The following NRXN3 variants were observed in gnomAD, a reference collection of about 807,000 sequenced individuals.
The protein encoded by NRXN3 is neurexin 3.
In NRXN3, 32 loss-of-function variants were observed where a neutral mutation model predicts 137.6. That is an observed-to-expected ratio of 0.23 (90% CI 0.18 to 0.31). The LOEUF (loss-of-function observed/expected upper bound fraction) is 0.31, where lower values mean the gene tolerates loss of function less well. Ranked by LOEUF, NRXN3 falls within the 10% of genes least tolerant of loss-of-function variation. The probability of loss-of-function intolerance (pLI) is 1.00; values close to 1 mark genes in which losing one functional copy is unlikely to be tolerated. For synonymous variants in NRXN3, 798 were observed against 784.5 expected, an observed-to-expected ratio of 1.02 and a Z score of -0.29; for missense variants, 1,574 against 2,062.5, an observed-to-expected ratio of 0.76 and a Z score of 4.59.
intron 15 of NRXN3, among the ~76,000 whole-genome samples, chr14:79,038,273 T>G (rs548153624): frequency 6.6e-6 from 1 of 152,022 alleles, no homozygotes; most frequent in South Asian, 2.1e-4. Flanking sequence ...GGCATAAAAA[T>G]GTGGAATGAA....
chr14:79,564,889 G>A (rs1323093575), intron 16 of NRXN3, among the ~76,000 whole-genome samples: 1 of 152,044 alleles, frequency 6.6e-6, no homozygotes, highest in Non-Finnish European at 1.5e-5. Context: ...AAAATAAAAT[G>A]ATGCCAGAGT....
At chr14:78,450,522 C>T (rs17107636) in intron 4 of NRXN3, among the ~76,000 whole-genome samples, 3,150 of 152,212 alleles carry the variant, frequency 0.021, 95 homozygotes, top group African/African-American at 0.072. Context: ...GATTTTCGCA[C>T]GCTTTACTTA....
intron 16 of NRXN3, among the ~76,000 whole-genome samples, chr14:79,651,911 A>G (rs756981779): frequency 6.6e-6 from 1 of 152,184 alleles, no homozygotes; most frequent in Non-Finnish European, 1.5e-5. Flanking sequence ...CATTTGATTC[A>G]TGCTGGAATC....
intron 8 of NRXN3, among the ~76,000 whole-genome samples, chr14:78,801,787 C>G (rs2098839847): frequency 1.3e-5 from 2 of 152,286 alleles, no homozygotes; most frequent in Admixed American, 1.3e-4. Flanking sequence ...TTGCTTCTTT[C>G]ATTACAAACC....
chr14:79,136,487 GT>G (rs2058242259), intron 15 of NRXN3, among the ~76,000 whole-genome samples: 1 of 152,140 alleles, frequency 6.6e-6, no homozygotes, highest in African/African-American at 2.4e-5. Flanking sequence ...CTACTTCTCT[GT>G]TTCCCAAAGT....
At chr14:79,296,904 C>A (rs142171605) in intron 15 of NRXN3, among the ~76,000 whole-genome samples, 1 of 152,096 alleles carries the variant, frequency 6.6e-6, no homozygotes, top group Non-Finnish European at 1.5e-5. Flanking sequence ...GCAGTTCCTG[C>A]GTGATCTGGC....
intron 19 of NRXN3, among the ~76,000 whole-genome samples, chr14:79,778,675 A>C (rs1216833294): frequency 1.3e-5 from 2 of 152,188 alleles, no homozygotes; most frequent in African/African-American, 4.8e-5. Flanking sequence ...AAAATATGGT[A>C]GTATTGACTC....
At chr14:78,791,032 A>T (rs998437996) in intron 8 of NRXN3, among the ~76,000 whole-genome samples, 1 of 152,200 alleles carries the variant, frequency 6.6e-6, no homozygotes, top group African/African-American at 2.4e-5. Context: ...ACTCTAGAAG[A>T]TGTAAATGGT....
chr14:78,354,030 T>G (rs2083924580), intron 4 of NRXN3, among the ~76,000 whole-genome samples: 2 of 152,238 alleles, frequency 1.3e-5, no homozygotes, highest in African/African-American at 4.8e-5. Flanking sequence ...CTGATTGATA[T>G]TTACTTGTCA....
At chr14:79,687,122 G>T (rs1444126672) in intron 17 of NRXN3, among the ~76,000 whole-genome samples, 1 of 152,200 alleles carries the variant, frequency 6.6e-6, no homozygotes, top group Non-Finnish European at 1.5e-5. Context: ...TGCCCCAAAG[G>T]TGTGTAGTGA....
At chr14:78,491,418 G>A (rs533044254) in intron 4 of NRXN3, among the ~76,000 whole-genome samples, 13 of 152,264 alleles carry the variant, frequency 8.5e-5, no homozygotes, top group Admixed American at 7.2e-4. Context: ...TGAATGAAGC[G>A]AGCGAGGAGT....
intron 4 of NRXN3, among the ~76,000 whole-genome samples, chr14:78,496,330 G>T (rs2095784933): frequency 6.6e-6 from 1 of 151,962 alleles, no homozygotes; most frequent in Non-Finnish European, 1.5e-5. Flanking sequence ...TTGTAGATTT[G>T]AAAAAAATGT....
chr14:78,282,373 C>T (rs2153505930), intron 3 of NRXN3: 1 of 327,368 alleles, frequency 3.1e-6, no homozygotes, highest in East Asian at 7.9e-5. Context: ...CTTCTTCTCC[C>T]CTCCCCCAGT....
chr14:79,667,591 A>G (rs2098570794), intron 17 of NRXN3, among the ~76,000 whole-genome samples: 1 of 152,112 alleles, frequency 6.6e-6, no homozygotes, highest in Admixed American at 6.6e-5. Flanking sequence ...AAATAGTTCT[A>G]TAGCAATCGG....
At chr14:78,807,743 A>G (rs1299257993) in intron 9 of NRXN3, among the ~76,000 whole-genome samples, 24 of 132,058 alleles carry the variant, frequency 1.8e-4, no homozygotes, top group African/African-American at 5.1e-4. Flanking sequence ...TCAAAAAAAA[A>G]AAAAAAAAAA....
chr14:78,623,987 G>A (rs1406767296), intron 4 of NRXN3, among the ~76,000 whole-genome samples: 2 of 152,208 alleles, frequency 1.3e-5, no homozygotes, highest in African/African-American at 4.8e-5. Flanking sequence ...GAATAAGTAA[G>A]TGATTAGAAA....
At chr14:78,982,801 C>T (rs1397588644) in intron 14 of NRXN3, among the ~76,000 whole-genome samples, 1 of 151,848 alleles carries the variant, frequency 6.6e-6, no homozygotes, top group Non-Finnish European at 1.5e-5. Context: ...TGCATGAAGC[C>T]AAAAAGGTTC....
At chr14:78,382,653 C>G (rs963201342) in intron 4 of NRXN3, among the ~76,000 whole-genome samples, 1 of 152,178 alleles carries the variant, frequency 6.6e-6, no homozygotes, top group African/African-American at 2.4e-5. Context: ...TGTTGCTTGC[C>G]TTGCAGATCC....
chr14:79,062,313 T>C (rs1393791483), intron 15 of NRXN3, among the ~76,000 whole-genome samples: 1 of 152,158 alleles, frequency 6.6e-6, no homozygotes, highest in Admixed American at 6.5e-5. Flanking sequence ...CTTTCTTTCA[T>C]TATGCTCAAT....
Sources: gnomAD v4.1 joint callset for allele counts (sites outside exome capture counted in the v4.1 genomes callset) on GRCh38, gnomAD v4.1.1 for gene constraint, MANE v1.5 for transcripts, NCBI Gene and HGNC (gene_info 2026-07-23, HGNC 2026-07-21) for gene names.